The following LOC400499 variants were observed in gnomAD, a reference collection of about 807,000 sequenced individuals.
chr16:11,448,906 C>T, the LOC400499 span: 5 of 1,457,738 alleles, frequency 3.4e-6, no homozygotes, highest in Non-Finnish European at 4.6e-6. Flanking sequence ...GCACGGGCCT[C>T]CTGGGTTCTT....
chr16:11,516,415 G>C, the LOC400499 span: 1 of 397,976 alleles, frequency 2.5e-6, no homozygotes, highest in Admixed American at 4.4e-5. Context: ...AGCCCCCATG[G>C]GAAGCTCCCA....
chr16:11,391,638 G>A, the LOC400499 span: 2 of 1,231,970 alleles, frequency 1.6e-6, no homozygotes, highest in South Asian at 4.1e-5. Context: ...TTCCGCACAG[G>A]ATTGAGCCCT....
chr16:11,526,758 T>G, the LOC400499 span, among the ~76,000 whole-genome samples: 4 of 152,098 alleles, frequency 2.6e-5, no homozygotes, highest in African/African-American at 7.2e-5. Flanking sequence ...GTCGCCCAAG[T>G]TGGAGTGCAG....
the LOC400499 span, among the ~76,000 whole-genome samples, chr16:11,483,568 T>C: frequency 6.6e-6 from 1 of 152,236 alleles, no homozygotes; most frequent in South Asian, 2.1e-4. Context: ...ACATGCTTTT[T>C]TTAAAAAGGA....
chr16:11,432,098 G>A, the LOC400499 span, among the ~76,000 whole-genome samples: 1 of 152,212 alleles, frequency 6.6e-6, no homozygotes, highest in Non-Finnish European at 1.5e-5. Flanking sequence ...CGAGGTGCCA[G>A]ACATGTAAAG....
chr16:11,375,579 C>G, the LOC400499 span, among the ~76,000 whole-genome samples: 12,535 of 145,944 alleles, frequency 0.086, 776 homozygotes, highest in Middle Eastern at 0.14. Flanking sequence ...TCCCAAAGTG[C>G]TGGGATTACA....
the LOC400499 span, among the ~76,000 whole-genome samples, chr16:11,411,672 G>A: frequency 1.3e-5 from 2 of 152,076 alleles, no homozygotes; most frequent in African/African-American, 4.8e-5. Context: ...ATGGCTCTGG[G>A]CTTCAAGTCT....
the LOC400499 span, among the ~76,000 whole-genome samples, chr16:11,457,378 G>C: frequency 6.6e-6 from 1 of 152,192 alleles, no homozygotes; most frequent in African/African-American, 2.4e-5. Flanking sequence ...TGGATCACGA[G>C]GTCAGGAGAT....
At chr16:11,522,459 C>G in the LOC400499 span, among the ~76,000 whole-genome samples, 1 of 152,046 alleles carries the variant, frequency 6.6e-6, no homozygotes. Context: ...TACCAGCATC[C>G]CTGACCTTTA....
At chr16:11,503,021 C>T in the LOC400499 span, among the ~76,000 whole-genome samples, 1 of 147,082 alleles carries the variant, frequency 6.8e-6, no homozygotes, top group East Asian at 2.0e-4. Context: ...TCCTGGGCTC[C>T]AGCGATCCTC....
At chr16:11,452,783 C>T in the LOC400499 span, among the ~76,000 whole-genome samples, 1 of 152,222 alleles carries the variant, frequency 6.6e-6, no homozygotes, top group Non-Finnish European at 1.5e-5. Context: ...CAGTTCTTCT[C>T]CATGCCCTTC....
the LOC400499 span, among the ~76,000 whole-genome samples, chr16:11,388,014 CA>C: frequency 0.012 from 1,885 of 152,226 alleles, 20 homozygotes; most frequent in Middle Eastern, 0.092. Context: ...TTTGAATGAT[CA>C]GGGGGATGTC....
chr16:11,490,510 T>C, the LOC400499 span, among the ~76,000 whole-genome samples: 1 of 151,550 alleles, frequency 6.6e-6, no homozygotes, highest in Non-Finnish European at 1.5e-5. Flanking sequence ...CAATCCTGGC[T>C]AATGTGGTGA....
At chr16:11,428,118 T>C in the LOC400499 span, among the ~76,000 whole-genome samples, 1 of 152,198 alleles carries the variant, frequency 6.6e-6, no homozygotes, top group Non-Finnish European at 1.5e-5. Flanking sequence ...CCCATTATTA[T>C]GGTTATTTCT....
At chr16:11,447,005 C>T in the LOC400499 span, 240 of 1,394,688 alleles carry the variant, frequency 1.7e-4, 5 homozygotes, top group South Asian at 3.1e-3. Flanking sequence ...GGGCCTGTCA[C>T]GAGCTTGCAG....
chr16:11,406,876 A>C, the LOC400499 span, among the ~76,000 whole-genome samples: 1 of 152,234 alleles, frequency 6.6e-6, no homozygotes, highest in Non-Finnish European at 1.5e-5. Flanking sequence ...TCCGTATCAT[A>C]GTACTATCTG....
the LOC400499 span, among the ~76,000 whole-genome samples, chr16:11,402,965 T>G: frequency 2.0e-5 from 3 of 151,864 alleles, no homozygotes; most frequent in Admixed American, 2.0e-4. Context: ...GTGCTCTCCT[T>G]CCATCTTGGA....
the LOC400499 span, among the ~76,000 whole-genome samples, chr16:11,503,340 C>G: frequency 2.0e-5 from 3 of 152,186 alleles, no homozygotes; most frequent in Non-Finnish European, 2.9e-5. Flanking sequence ...ACTCAGAGAA[C>G]AGCCCCTGGG....
the LOC400499 span, among the ~76,000 whole-genome samples, chr16:11,486,049 T>G: frequency 6.6e-6 from 1 of 150,720 alleles, no homozygotes; most frequent in Non-Finnish European, 1.5e-5. Flanking sequence ...ATTGAGTGAA[T>G]AGATGGATGG....
Sources: allele counts gnomAD v4.1 joint callset (sites outside exome capture counted in the v4.1 genomes callset), GRCh38; gene constraint gnomAD v4.1.1; transcripts MANE v1.5.